CAP2: variants seen among roughly 807,000 people sequenced by gnomAD.
CAP2 encodes the protein cyclase associated actin cytoskeleton regulatory protein 2.
In CAP2, 24 loss-of-function variants were observed where a neutral mutation model predicts 57.7. The observed-to-expected ratio is 0.42, with a 90% confidence interval of 0.30 to 0.58. The LOEUF is 0.58. CAP2 is among the 20% of genes least tolerant of loss of function. The pLI is 0.22. For missense variants in CAP2, 501 were observed against 590.3 expected (o/e 0.85, Z 1.57); for synonymous variants, 194 against 207.2 (o/e 0.94, Z 0.55).
intron 4 of CAP2, among the ~76,000 whole-genome samples, chr6:17,492,120 G>A (rs1052503640): frequency 2.1e-4 from 32 of 152,236 alleles, no homozygotes; most frequent in South Asian, 4.1e-4. Flanking sequence ...GTACTTTGCA[G>A]TACCCATGTG....
chr6:17,463,116 C>T (rs774742567), intron 4 of CAP2, 43 bp downstream of exon 4: 1 of 1,395,760 alleles, frequency 7.2e-7, no homozygotes, highest in East Asian at 2.3e-5. Flanking sequence ...AGGGTATGCG[C>T]AGTGTAAGAT....
At chr6:17,437,921 T>C (rs112981917) in intron 3 of CAP2, among the ~76,000 whole-genome samples, 236 of 152,314 alleles carry the variant, frequency 1.5e-3, no homozygotes, top group African/African-American at 4.3e-3. Context: ...TGTGAGTTGT[T>C]TATGCATTTC....
At chr6:17,400,608 A>G (rs1400708300) in intron 1 of CAP2, among the ~76,000 whole-genome samples, 6 of 152,156 alleles carry the variant, frequency 3.9e-5, no homozygotes, top group Non-Finnish European at 7.3e-5. Context: ...TCATGCCTCT[A>G]ATCCCAGCAC....
intron 7 of CAP2, among the ~76,000 whole-genome samples, chr6:17,524,285 A>T (rs1762452310): frequency 6.6e-6 from 1 of 152,182 alleles, no homozygotes; most frequent in African/African-American, 2.4e-5. Context: ...AATTTCACAC[A>T]CAGTCATTAA....
chr6:17,524,030 C>T (rs1245494278), intron 7 of CAP2, among the ~76,000 whole-genome samples: 8 of 146,176 alleles, frequency 5.5e-5, no homozygotes, highest in Admixed American at 1.4e-4. Flanking sequence ...GAGCTGAGAT[C>T]GCGCCACTGC....
At chr6:17,503,563 C>T (rs142450475) in intron 4 of CAP2, among the ~76,000 whole-genome samples, 9,876 of 143,588 alleles carry the variant, frequency 0.069, 364 homozygotes, top group East Asian at 0.12. Flanking sequence ...AAGATCGTGC[C>T]GGTGCACTCC....
At chr6:17,532,868 A>T (rs1762680342) in intron 7 of CAP2, among the ~76,000 whole-genome samples, 1 of 151,846 alleles carries the variant, frequency 6.6e-6, no homozygotes, top group Admixed American at 6.6e-5. Context: ...GTTCAAGACT[A>T]GCCTGACCAA....
chr6:17,402,097 G>T (rs1450584649), intron 1 of CAP2, among the ~76,000 whole-genome samples: 1 of 152,186 alleles, frequency 6.6e-6, no homozygotes, highest in African/African-American at 2.4e-5. Flanking sequence ...GTGCACAGGT[G>T]CTTTGAGAAT....
chr6:17,545,840 G>A (rs1285391241), intron 11 of CAP2, among the ~76,000 whole-genome samples: 2 of 152,130 alleles, frequency 1.3e-5, no homozygotes, highest in Non-Finnish European at 2.9e-5. Flanking sequence ...ATGGTTTCCA[G>A]CTTCATCCAT....
intron 3 of CAP2, among the ~76,000 whole-genome samples, chr6:17,430,505 A>G (rs1011416877): frequency 6.6e-6 from 1 of 151,772 alleles, no homozygotes; most frequent in Non-Finnish European, 1.5e-5. Context: ...TTGGTTGGAC[A>G]TCATTTATCC....
intron 1 of CAP2, among the ~76,000 whole-genome samples, chr6:17,402,808 T>C (rs1368172162): frequency 1.3e-5 from 2 of 152,220 alleles, no homozygotes; most frequent in African/African-American, 4.8e-5. Context: ...CTCTACAGGG[T>C]TGTAAAATAG....
intron 11 of CAP2, among the ~76,000 whole-genome samples, chr6:17,543,360 G>A (rs755781235): frequency 3.5e-4 from 53 of 152,264 alleles, no homozygotes; most frequent in Non-Finnish European, 5.3e-4. Context: ...GCTCACGCCC[G>A]TAACCCTAGC....
chr6:17,501,615 G>A (rs1045476130), intron 4 of CAP2, among the ~76,000 whole-genome samples: 3 of 152,114 alleles, frequency 2.0e-5, no homozygotes, highest in East Asian at 3.8e-4. Flanking sequence ...AGTTTGTGCC[G>A]TCTCTTACAA....
intron 1 of CAP2, among the ~76,000 whole-genome samples, chr6:17,406,605 G>T (rs1758986067): frequency 6.6e-6 from 1 of 151,776 alleles, no homozygotes; most frequent in South Asian, 2.1e-4. Context: ...TATTGGTCAG[G>T]TTGGTCTGGA....
At chr6:17,452,302 C>T (rs1760427392) in intron 3 of CAP2, among the ~76,000 whole-genome samples, 1 of 152,208 alleles carries the variant, frequency 6.6e-6, no homozygotes, top group African/African-American at 2.4e-5. Flanking sequence ...TCGCGTTAGA[C>T]TGTGTTACTG....
At chr6:17,526,461 C>T (rs1378385962) in intron 7 of CAP2, among the ~76,000 whole-genome samples, 6 of 152,074 alleles carry the variant, frequency 3.9e-5, no homozygotes, top group African/African-American at 1.2e-4. Flanking sequence ...ATGGAATGGA[C>T]AATGCATTTT....
At chr6:17,454,734 C>T (rs370463605) in intron 3 of CAP2, among the ~76,000 whole-genome samples, 36 of 152,310 alleles carry the variant, frequency 2.4e-4, no homozygotes, top group African/African-American at 6.5e-4. Flanking sequence ...ATTGGCTTGA[C>T]GCAATTATAT....
chr6:17,556,431 A>T lies in CAP2; in HGVS notation c.1423A>T (p.Ile475Phe), dbSNP rs930984187. Residue 475 changes from isoleucine to phenylalanine, a missense_variant, in exon 13 of 13, where the codon ATT (isoleucine) becomes TTT (phenylalanine). By Grantham distance (21) the Ile-to-Phe change is conservative. Transcript: ENST00000229922. Reference sequence around the variant, plus strand: ...CAAGTTAATCACTGAACCTGCAGAAATTATGGCCTAACTTCCTGAGAGACC... The same window carrying T: ...CAAGTTAATCACTGAACCTGCAGAATTTATGGCCTAACTTCCTGAGAGACC... ...GSKLITEPAE[I>F]MA 6.2e-7 allele frequency: 1 copy of T among 1,611,766 alleles called. No individual in the cohort carries two copies. Among genetic ancestry groups the T allele is most frequent in the Non-Finnish European group, 8.5e-7 (1 of 1,177,932 alleles).
chr6:17,507,215 A>G lies in CAP2; in HGVS notation c.347A>G (p.Glu116Gly). 6.2e-7 allele frequency: 1 copy of G among 1,614,208 alleles called. No homozygotes were observed. The highest frequency in any genetic ancestry group is 1.1e-5 in the South Asian group (1 of 91,084). Residue 116 changes from glutamate (E) to glycine (G), a missense_variant, in exon 5 of 13, where the codon GAA (glutamate) becomes GGA (glycine). Physicochemically the swap from Glu to Gly is moderately conservative, Grantham distance 98. Coordinates refer to ENST00000229922, the MANE Select transcript of CAP2 (RefSeq NM_006366.3). ...LLKPISEKIQ[E>G]IQTFRERNRG... is the part of the protein sequence containing the mutation. The stretch of plus-strand genomic sequence containing the variant: ...AAACCCATATCGGAAAAGATTCAGG[A>G]AATCCAAACTTTCAGAGAGAGAAAC...
Sources: gnomAD v4.1 joint callset for allele counts (sites outside exome capture counted in the v4.1 genomes callset) on GRCh38, gnomAD v4.1.1 for gene constraint, MANE v1.5 for transcripts, NCBI Gene and HGNC (gene_info 2026-07-23, HGNC 2026-07-21) for gene names.